The following PSTPIP2 variants were observed in gnomAD, a reference collection of about 807,000 sequenced individuals.
PSTPIP2 encodes the protein proline-serine-threonine phosphatase-interacting protein 2.
PSTPIP2 carries 33 observed loss-of-function variants against 63.3 expected under a neutral mutation model. The ratio of observed to expected loss-of-function variants is 0.52; its 90% CI spans 0.40 to 0.70. The LOEUF (loss-of-function observed/expected upper bound fraction) is 0.70, where lower values mean the gene tolerates loss of function less well. PSTPIP2 is among the 30% of genes least tolerant of loss of function. The probability of loss-of-function intolerance (pLI) is 0.00; values close to 1 mark genes in which losing one functional copy is unlikely to be tolerated. For missense variants in PSTPIP2, 312 were observed against 400.7 expected (o/e 0.78, Z 1.89); for synonymous variants, 125 against 132.7 (o/e 0.94, Z 0.40).
rs1909414434 is a variant in PSTPIP2, at chr18:46,072,086, C to T, written c.33+70G>A. Reference sequence around the variant, plus strand: ...CGCCGGAGCTGGGGAGCCCCCCACGCCCGCCGCGTTGGCCTCCCGCCCGGG... The same window carrying T: ...CGCCGGAGCTGGGGAGCCCCCCACGTCCGCCGCGTTGGCCTCCCGCCCGGG... On this transcript the variant is annotated intron_variant, in intron 1 of 14. Transcript: ENST00000409746. The T allele has an allele frequency of 5.3e-6, 8 of 1,502,048 alleles. No individual in the cohort carries two copies. In the East Asian group the frequency reaches 2.3e-4, roughly 43 times the overall value. 93.0% of individuals were successfully genotyped at this position (1,502,048 alleles called of 1,614,324 possible). A position where few individuals can be genotyped will look rare whatever the true frequency, so the allele number is the denominator to read the frequency against.
chr18:46,027,325 T>G (rs1185638742), intron 2 of PSTPIP2, among the ~76,000 whole-genome samples: 2 of 148,882 alleles, frequency 1.3e-5, no homozygotes, highest in East Asian at 3.9e-4. Context: ...AATAAATAAA[T>G]AAATAAATAA....
At chr18:46,030,403 CA>C (rs2144102159) in intron 2 of PSTPIP2, among the ~76,000 whole-genome samples, 1 of 151,920 alleles carries the variant, frequency 6.6e-6, no homozygotes, top group South Asian at 2.1e-4. Context: ...AACATTTTAA[CA>C]ATTTGTTTGT....
chr18:46,044,287 G>A (rs1229552502), intron 1 of PSTPIP2, among the ~76,000 whole-genome samples: 3 of 152,200 alleles, frequency 2.0e-5, no homozygotes, highest in Non-Finnish European at 4.4e-5. Flanking sequence ...AACCAAAACA[G>A]CATGGTACTG....
chr18:46,046,919 G>A (rs865777708), intron 1 of PSTPIP2, among the ~76,000 whole-genome samples: 1 of 152,252 alleles, frequency 6.6e-6, no homozygotes, highest in South Asian at 2.1e-4. Context: ...GGGTGCATAA[G>A]TGCGCTGCAC....
intron 1 of PSTPIP2, among the ~76,000 whole-genome samples, chr18:46,054,444 C>A (rs9956803): frequency 0.11 from 16,311 of 152,090 alleles, 1,174 homozygotes; most frequent in East Asian, 0.4. Context: ...TGACATTATT[C>A]ATTTGTCAAA....
intron 1 of PSTPIP2, among the ~76,000 whole-genome samples, chr18:46,060,557 T>A (rs1908951653): frequency 6.6e-6 from 1 of 152,142 alleles, no homozygotes; most frequent in Non-Finnish European, 1.5e-5. Context: ...AGACCCCAAA[T>A]GACTCCTAAT....
intron 4 of PSTPIP2, among the ~76,000 whole-genome samples, chr18:46,012,354 A>C (rs1336572410): frequency 6.6e-6 from 1 of 152,232 alleles, no homozygotes; most frequent in Admixed American, 6.5e-5. Context: ...AACGAGGCAG[A>C]TCTATATGAA....
At chr18:46,063,393 C>A (rs953562404) in intron 1 of PSTPIP2, among the ~76,000 whole-genome samples, 1 of 152,172 alleles carries the variant, frequency 6.6e-6, no homozygotes, top group African/African-American at 2.4e-5. Context: ...ATAAACTTGA[C>A]TGTATAAAGT....
intron 9 of PSTPIP2, among the ~76,000 whole-genome samples, chr18:45,995,590 A>G (rs1216855276): frequency 1.3e-5 from 2 of 152,216 alleles, no homozygotes. Context: ...TGGCAAAGAG[A>G]GATCAAATAA....
chr18:46,055,590 G>A (rs1357354787), intron 1 of PSTPIP2, among the ~76,000 whole-genome samples: 4 of 152,108 alleles, frequency 2.6e-5, no homozygotes, highest in Admixed American at 6.6e-5. Context: ...AAGTGCTAGG[G>A]TTACAGGCAT....
At chr18:46,014,043 T>A (rs1032388392) in intron 4 of PSTPIP2, among the ~76,000 whole-genome samples, 30 of 151,670 alleles carry the variant, frequency 2.0e-4, no homozygotes, top group South Asian at 1.3e-3. Context: ...TTTTTTTTTT[T>A]AAACAGTCTT....
chr18:45,998,966 C>A (rs953678207), intron 7 of PSTPIP2, 127 bp from the exon 8 acceptor site: 24 of 905,908 alleles, frequency 2.6e-5, no homozygotes, highest in Non-Finnish European at 3.9e-5. Flanking sequence ...GTCCTGTGTA[C>A]ATTTCCCTCA....
chr18:45,998,741 T>C, intron 8 of PSTPIP2, 53 bp downstream of exon 8: 1 of 1,565,070 alleles, frequency 6.4e-7, no homozygotes, highest in Admixed American at 1.8e-5. Context: ...ACATTTAGGA[T>C]AACGTAAACC....
In PSTPIP2 at chr18:45,992,544, C is replaced by G. The variant is rs184716577; in HGVS notation, c.742-342G>C. Among the ~76,000 whole-genome samples, 970 of 146,074 alleles carry G rather than the reference C, an allele frequency of 6.6e-3. 9 individuals carry two copies. The highest frequency in any genetic ancestry group is 0.024 in the African/African-American group (924 of 38,786). ...ACCACTGCACTCCAACCCCAGGCGA[C>G]AGTGCGAGACTCCGTCTCAAAAAAA... On this transcript the variant is annotated intron_variant, in intron 10 of 14. Coordinates refer to ENST00000409746, the MANE Select transcript of PSTPIP2 (RefSeq NM_024430.4).
chr18:46,054,237 G>A (rs1183968350), intron 1 of PSTPIP2, among the ~76,000 whole-genome samples: 3 of 152,184 alleles, frequency 2.0e-5, no homozygotes, highest in African/African-American at 7.2e-5. Flanking sequence ...CATCATATAT[G>A]CAGTCTCTTG....
chr18:46,063,191 G>C (rs1909051987), intron 1 of PSTPIP2, among the ~76,000 whole-genome samples: 1 of 151,972 alleles, frequency 6.6e-6, no homozygotes, highest in Non-Finnish European at 1.5e-5. Context: ...TTTTTGTAGA[G>C]ACAGGGTCTC....
Position 45,984,514 on chromosome 18 carries a change from CA to C in PSTPIP2, c.*944del, listed in dbSNP as rs1293892953. On this transcript the variant is annotated 3_prime_UTR_variant, in exon 15 of 15. Transcript: ENST00000409746. ...CTAAAATTATCTTGAGGAATGGAAT[CA>C]AAATATGGTATTTCATTGATTCTAA... The C allele has an allele frequency of 6.6e-6, 1 of 152,152 alleles. No homozygotes were observed. The highest frequency in any genetic ancestry group is 1.5e-5 in the Non-Finnish European group (1 of 68,032). The allele number at this position is 152,152 out of a possible 1,614,324, so 9.4% of individuals were successfully genotyped here. A position where few individuals can be genotyped will look rare whatever the true frequency, so the allele number is the denominator to read the frequency against.
At chr18:45,995,217 C>T (rs1196136055) in intron 9 of PSTPIP2, among the ~76,000 whole-genome samples, 1 of 152,060 alleles carries the variant, frequency 6.6e-6, no homozygotes, top group Non-Finnish European at 1.5e-5. Flanking sequence ...TGGGCTCAAG[C>T]AATTCTCCCG....
chr18:45,988,089 C>T (rs1422356614), intron 14 of PSTPIP2, among the ~76,000 whole-genome samples: 1 of 152,112 alleles, frequency 6.6e-6, no homozygotes, highest in Non-Finnish European at 1.5e-5. Context: ...TGTTGATGAG[C>T]ACTGCCTTAA....
Sources: allele counts gnomAD v4.1 joint callset (sites outside exome capture counted in the v4.1 genomes callset), GRCh38; gene constraint gnomAD v4.1.1; transcripts MANE v1.5; gene names NCBI Gene and HGNC (gene_info 2026-07-23, HGNC 2026-07-21).